AIG1: variants seen among roughly 807,000 people sequenced by gnomAD.
The protein encoded by AIG1 is androgen induced 1.
In AIG1, 23 loss-of-function variants were observed where a neutral mutation model predicts 31.4. The ratio of observed to expected loss-of-function variants is 0.73; its 90% CI spans 0.53 to 1.04. AIG1 has a LOEUF of 1.04. Among genes scored for constraint, AIG1 ranks in the 50% least tolerant of loss-of-function variants. The pLI is 0.00. For missense variants in AIG1, 274 were observed against 295.0 expected (o/e 0.93, Z 0.52); for synonymous variants, 100 against 110.5 (o/e 0.90, Z 0.60).
chr6:143,226,067 G>A (rs1792921802), intron 3 of AIG1, among the ~76,000 whole-genome samples: 1 of 152,062 alleles, frequency 6.6e-6, no homozygotes. Context: ...AATTGCCGGT[G>A]AATCTTGTGT....
intron 3 of AIG1, among the ~76,000 whole-genome samples, chr6:143,273,677 A>G (rs1583695835): frequency 6.6e-6 from 1 of 152,212 alleles, no homozygotes; most frequent in African/African-American, 2.4e-5. Context: ...CATGTCTTAC[A>G]TGGTGGCAGG....
intron 3 of AIG1, among the ~76,000 whole-genome samples, chr6:143,264,724 C>T (rs546264566): frequency 6.6e-6 from 1 of 152,274 alleles, no homozygotes; most frequent in African/African-American, 2.4e-5. Context: ...ACTTTACCTG[C>T]GTGTTATTGA....
intron 3 of AIG1, among the ~76,000 whole-genome samples, chr6:143,251,186 G>T (rs1414661375): frequency 6.6e-6 from 1 of 152,122 alleles, no homozygotes; most frequent in Non-Finnish European, 1.5e-5. Flanking sequence ...CTGAGAAGCT[G>T]GGATTACAGG....
At chr6:143,226,321 A>G (rs972363542) in intron 3 of AIG1, among the ~76,000 whole-genome samples, 2 of 151,724 alleles carry the variant, frequency 1.3e-5, no homozygotes, top group Non-Finnish European at 2.9e-5. Context: ...GCTCACTGCA[A>G]CTTCTGCCTC....
downstream of AIG1, among the ~76,000 whole-genome samples, chr6:143,341,200 T>C (rs934702614): frequency 9.9e-5 from 15 of 152,076 alleles, no homozygotes; most frequent in African/African-American, 3.4e-4. Context: ...GCTGGGACTT[T>C]TAAGTAGGAA....
intron 3 of AIG1, among the ~76,000 whole-genome samples, chr6:143,225,897 T>C (rs554423107): frequency 1.3e-5 from 2 of 152,374 alleles, no homozygotes; most frequent in African/African-American, 4.8e-5. Context: ...TCTTTTGGCA[T>C]ATTTGTTTTT....
intron 1 of AIG1, among the ~76,000 whole-genome samples, chr6:143,065,158 G>A (rs1458294014): frequency 6.6e-6 from 1 of 152,178 alleles, no homozygotes; most frequent in Non-Finnish European, 1.5e-5. Flanking sequence ...GGAATTGGCT[G>A]TTTTACTTCT....
chr6:143,248,945 TG>T (rs1414541562), intron 3 of AIG1, among the ~76,000 whole-genome samples: 1 of 152,228 alleles, frequency 6.6e-6, no homozygotes, highest in Non-Finnish European at 1.5e-5. Flanking sequence ...TTCAGCATCG[TG>T]GGCAGGTTCA....
chr6:143,292,047 C>T lies in AIG1; in HGVS notation c.515+7822C>T, dbSNP rs1455421668. On this transcript the variant is annotated intron_variant, in intron 4 of 5. Coordinates refer to ENST00000357847, the MANE Select transcript of AIG1 (RefSeq NM_016108.4). This position sits in a 1 kb window ranked among gnomAD's most constrained non-coding sequence, Gnocchi z 4.9. ...GCCTGGACCCTGGTGGTAGAAATGGCGTTAATAGGATTCTGGATATATTTT... is the reference window on the plus strand; with the variant it reads ...GCCTGGACCCTGGTGGTAGAAATGGTGTTAATAGGATTCTGGATATATTTT... Among the ~76,000 whole-genome samples, 4 of 152,080 alleles carry T rather than the reference C, an allele frequency of 2.6e-5. No individual in the cohort carries two copies. Among genetic ancestry groups the T allele is most frequent in the South Asian group, 2.1e-4 (1 of 4,824 alleles).
intron 4 of AIG1, among the ~76,000 whole-genome samples, chr6:143,320,091 GACAC>G (rs1458449538): frequency 6.6e-6 from 1 of 152,022 alleles, no homozygotes; most frequent in African/African-American, 2.4e-5. Context: ...CTTCAAAAAA[GACAC>G]ACACGGCCAG....
intron 3 of AIG1, among the ~76,000 whole-genome samples, chr6:143,254,652 G>A (rs894543327): frequency 2.0e-5 from 3 of 152,064 alleles, no homozygotes; most frequent in African/African-American, 7.3e-5. Flanking sequence ...CTCTAATGAA[G>A]TGTTTATTAT....
chr6:143,169,912 A>G (rs961054569), intron 3 of AIG1, among the ~76,000 whole-genome samples: 5 of 151,964 alleles, frequency 3.3e-5, no homozygotes, highest in African/African-American at 1.2e-4. Context: ...AAATTTATTC[A>G]TTTGTGTATG....
At chr6:143,146,721 T>C (rs1562425802) in intron 2 of AIG1, among the ~76,000 whole-genome samples, 1 of 152,200 alleles carries the variant, frequency 6.6e-6, no homozygotes, top group Admixed American at 6.5e-5. Context: ...AGTGTACTGT[T>C]ACATCAGCTG....
intron 1 of AIG1, among the ~76,000 whole-genome samples, chr6:143,105,498 A>C (rs986555044): frequency 2.0e-5 from 3 of 152,246 alleles, no homozygotes; most frequent in African/African-American, 7.2e-5. Context: ...TCTCAAGCTG[A>C]CTATAAACAC....
intron 3 of AIG1, chr6:143,188,763 G>C (rs1289119228): frequency 2.0e-6 from 2 of 985,244 alleles, no homozygotes; most frequent in Non-Finnish European, 2.4e-6. Flanking sequence ...TCTCCACAAA[G>C]TAATCCTGGG....
At chr6:143,323,041 A>G (rs913891501) in intron 4 of AIG1, among the ~76,000 whole-genome samples, 5 of 152,192 alleles carry the variant, frequency 3.3e-5, no homozygotes, top group African/African-American at 1.2e-4. Flanking sequence ...GGTTTATAGC[A>G]CTTTACCAAA....
At chr6:143,177,996 G>A (rs1394604428) in intron 3 of AIG1, among the ~76,000 whole-genome samples, 1 of 152,214 alleles carries the variant, frequency 6.6e-6, no homozygotes, top group Admixed American at 6.5e-5. Flanking sequence ...TGGTCAGGCG[G>A]ATCCACAGTC....
intron 3 of AIG1, among the ~76,000 whole-genome samples, chr6:143,218,087 CACTT>C (rs2128621162): frequency 6.6e-6 from 1 of 152,322 alleles, no homozygotes; most frequent in African/African-American, 2.4e-5. Flanking sequence ...TTTGCGAATT[CACTT>C]ACTTGTCTTT....
intron 3 of AIG1, among the ~76,000 whole-genome samples, chr6:143,253,830 G>A (rs1562528270): frequency 6.6e-6 from 1 of 151,930 alleles, no homozygotes; most frequent in Non-Finnish European, 1.5e-5. Flanking sequence ...ACTGGTCTTG[G>A]TTTGTTTACA....
Sources: allele counts gnomAD v4.1 joint callset (sites outside exome capture counted in the v4.1 genomes callset), GRCh38; gene constraint gnomAD v4.1.1; non-coding constraint Gnocchi (gnomAD v3.1); transcripts MANE v1.5; gene names NCBI Gene and HGNC (gene_info 2026-07-23, HGNC 2026-07-21).